The following SNTG2 variants were observed in gnomAD, a reference collection of about 807,000 sequenced individuals.
SNTG2 encodes the protein syntrophin gamma 2, also known as gamma-2-syntrophin.
Under a neutral mutation model 70.9 loss-of-function variants are expected in SNTG2, and 74 were observed. The observed-to-expected ratio is 1.04, with a 90% CI of 0.86 to 1.27. SNTG2 has a LOEUF of 1.27. SNTG2 is among the 50% of genes most tolerant of loss of function. SNTG2 has a pLI of 0.00. For missense variants in SNTG2, 717 were observed against 690.7 expected, an observed-to-expected ratio of 1.04 and a Z score of -0.43; for synonymous variants, 278 against 273.8, an observed-to-expected ratio of 1.02 and a Z score of -0.15.
chr2:1,098,130 T>G, intron 2 of SNTG2, 66 bp from the exon 3 acceptor site: 1 of 1,538,048 alleles, frequency 6.5e-7, no homozygotes. Flanking sequence ...AAGAATTTCT[T>G]TTGAATTCAC....
chr2:997,535 G>T (rs934645284), intron 1 of SNTG2, among the ~76,000 whole-genome samples: 2 of 152,240 alleles, frequency 1.3e-5, no homozygotes, highest in African/African-American at 4.8e-5. Flanking sequence ...ATCTGACTGT[G>T]CTGTGGGACA....
At chr2:1,213,806 G>A (rs1181087187) in intron 9 of SNTG2, among the ~76,000 whole-genome samples, 1 of 152,198 alleles carries the variant, frequency 6.6e-6, no homozygotes, top group Non-Finnish European at 1.5e-5. Context: ...CTGTGCTTTT[G>A]GGTCATATTC....
chr2:1,248,931 G>C (rs900123174), intron 12 of SNTG2, among the ~76,000 whole-genome samples: 2 of 152,102 alleles, frequency 1.3e-5, no homozygotes, highest in Admixed American at 1.3e-4. Flanking sequence ...GAAAAGCAAG[G>C]GTTCAAAACA....
intron 6 of SNTG2, among the ~76,000 whole-genome samples, chr2:1,155,784 G>T (rs1242420397): frequency 2.0e-5 from 3 of 152,172 alleles, no homozygotes; most frequent in Admixed American, 2.0e-4. Context: ...TGAGGTGGGC[G>T]GCACAGGCTG....
chr2:962,711 A>G (rs975496576), intron 1 of SNTG2, among the ~76,000 whole-genome samples: 2 of 152,220 alleles, frequency 1.3e-5, no homozygotes, highest in African/African-American at 4.8e-5. Context: ...ATTCAACCTC[A>G]TGATGTTAAG....
chr2:1,347,183 A>G (rs529952093), intron 16 of SNTG2, among the ~76,000 whole-genome samples: 2 of 152,310 alleles, frequency 1.3e-5, no homozygotes, highest in South Asian at 4.1e-4. Flanking sequence ...CATAACAGGC[A>G]GGGGCTCTGG....
At chr2:1,087,402 A>G (rs1006353964) in intron 2 of SNTG2, among the ~76,000 whole-genome samples, 4 of 152,184 alleles carry the variant, frequency 2.6e-5, no homozygotes, top group Non-Finnish European at 4.4e-5. Flanking sequence ...TTCAAAGTAC[A>G]TCGTGCTCTA....
intron 2 of SNTG2, among the ~76,000 whole-genome samples, chr2:1,094,151 A>G (rs534631346): frequency 3.0e-4 from 38 of 126,556 alleles, no homozygotes; most frequent in Non-Finnish European, 4.1e-4. Context: ...GTGTCCTCAT[A>G]TGGTAGAGTT....
intron 14 of SNTG2, among the ~76,000 whole-genome samples, chr2:1,282,687 C>T (rs995755770): frequency 3.0e-5 from 4 of 131,626 alleles, no homozygotes; most frequent in East Asian, 2.4e-4. Context: ...GTGAGCTGGG[C>T]GCTCTCCAAG....
intron 1 of SNTG2, among the ~76,000 whole-genome samples, chr2:1,060,407 GATAGA>G (rs1662736055): frequency 6.6e-6 from 1 of 152,140 alleles, no homozygotes; most frequent in African/African-American, 2.4e-5. Context: ...TAGATACAGA[GATAGA>G]AGTGTCCTAC....
chr2:1,030,911 T>C (rs1660780208), intron 1 of SNTG2, among the ~76,000 whole-genome samples: 1 of 152,224 alleles, frequency 6.6e-6, no homozygotes, highest in Admixed American at 6.5e-5. Flanking sequence ...TTTTATGAAC[T>C]CTTTTAAGCT....
intron 1 of SNTG2, among the ~76,000 whole-genome samples, chr2:1,006,266 C>T (rs1166904312): frequency 1.3e-5 from 2 of 151,252 alleles, no homozygotes; most frequent in South Asian, 2.1e-4. Context: ...ACATATGTAA[C>T]TAACCTGCAC....
At chr2:982,707 G>A (rs190817431) in intron 1 of SNTG2, among the ~76,000 whole-genome samples, 1 of 152,358 alleles carries the variant, frequency 6.6e-6, no homozygotes, top group East Asian at 1.9e-4. Flanking sequence ...CCCTGTCACT[G>A]TGCCTGGGCA....
At chr2:1,245,127 G>C (rs1439787708) in intron 11 of SNTG2, among the ~76,000 whole-genome samples, 56 of 122,494 alleles carry the variant, frequency 4.6e-4, no homozygotes, top group African/African-American at 1.7e-3. Context: ...GTTGTCGGGT[G>C]GGGGGAGGGG....
intron 14 of SNTG2, among the ~76,000 whole-genome samples, chr2:1,301,539 C>T (rs1680455438): frequency 6.6e-6 from 1 of 152,120 alleles, no homozygotes; most frequent in South Asian, 2.1e-4. Context: ...CAGATCCTTA[C>T]AATTAAGCTC....
At chr2:1,102,948 T>C (rs1665876837) in intron 4 of SNTG2, among the ~76,000 whole-genome samples, 1 of 152,220 alleles carries the variant, frequency 6.6e-6, no homozygotes, top group Non-Finnish European at 1.5e-5. Flanking sequence ...CTGAGCAGCT[T>C]TGCAGAGCAT....
rs76228287 is a variant in SNTG2, at chr2:1,298,585, G to T, written c.1285-9909G>T. Among the ~76,000 whole-genome samples the T allele has an allele frequency of 1.8e-4, 27 of 152,222 alleles. No individual in the cohort carries two copies. In the East Asian group the frequency reaches 5.2e-3, roughly 29 times the overall value. On this transcript the variant is annotated intron_variant, in intron 14 of 16. Coordinates refer to ENST00000308624, the MANE Select transcript of SNTG2 (RefSeq NM_018968.4). Reference sequence around the variant, plus strand: ...GATGGTGCCCCTGGGTGAACACCAGGTCTGCTTTCCACACCCGCCTTCCCT... The same window carrying T: ...GATGGTGCCCCTGGGTGAACACCAGTTCTGCTTTCCACACCCGCCTTCCCT...
chr2:1,288,890 C>T (rs1679877152), intron 14 of SNTG2, among the ~76,000 whole-genome samples: 1 of 152,170 alleles, frequency 6.6e-6, no homozygotes, highest in African/African-American at 2.4e-5. Flanking sequence ...CTTCCATCTC[C>T]CCCAGCCCCT....
intron 9 of SNTG2, among the ~76,000 whole-genome samples, chr2:1,235,666 G>A (rs1036239579): frequency 6.6e-5 from 10 of 152,148 alleles, no homozygotes; most frequent in Non-Finnish European, 1.3e-4. Flanking sequence ...TTACCCCCAC[G>A]CTGCCCCAGG....
Sources: allele counts gnomAD v4.1 joint callset (sites outside exome capture counted in the v4.1 genomes callset), GRCh38; gene constraint gnomAD v4.1.1; transcripts MANE v1.5; gene names NCBI Gene and HGNC (gene_info 2026-07-23, HGNC 2026-07-21).